The following NPAS3 variants were observed in gnomAD, a reference collection of about 807,000 sequenced individuals.
NPAS3 encodes the protein neuronal PAS domain-containing protein 3.
A neutral mutation model predicts 73.1 loss-of-function variants in NPAS3; 14 were observed. The ratio of observed to expected loss-of-function variants is 0.19; its 90% CI spans 0.13 to 0.30. NPAS3 has a LOEUF of 0.30. Ranked by LOEUF, NPAS3 falls within the 10% of genes least tolerant of loss-of-function variation. NPAS3 has a pLI of 1.00. For missense variants in NPAS3, 1,096 were observed against 1,250.0 expected (o/e 0.88, Z 1.86); for synonymous variants, 620 against 541.5 (o/e 1.14, Z -2.01).
At chr14:33,548,573 T>A (rs965292289) in intron 4 of NPAS3, among the ~76,000 whole-genome samples, 1 of 152,238 alleles carries the variant, frequency 6.6e-6, no homozygotes, top group Non-Finnish European at 1.5e-5. Context: ...ATGCTATGGC[T>A]GTTATACAAC....
At chr14:33,670,940 C>A (rs1323853448) in intron 5 of NPAS3, among the ~76,000 whole-genome samples, 1 of 141,508 alleles carries the variant, frequency 7.1e-6, no homozygotes, top group Non-Finnish European at 1.5e-5. Context: ...TTAATATCAG[C>A]CTTACAAAAG....
At chr14:33,670,075 T>C (rs1264096305) in intron 5 of NPAS3, among the ~76,000 whole-genome samples, 2 of 152,098 alleles carry the variant, frequency 1.3e-5, no homozygotes, top group African/African-American at 2.4e-5. Context: ...GCGGTTGCAA[T>C]TTTCAAGTCA....
chr14:33,619,062 A>G (rs1022228771), intron 5 of NPAS3, among the ~76,000 whole-genome samples: 2 of 152,132 alleles, frequency 1.3e-5, no homozygotes, highest in Admixed American at 1.3e-4. Context: ...CTGTTTCCAA[A>G]TGTTCATATC....
At chr14:33,162,901 T>G (rs1239659416) in intron 2 of NPAS3, among the ~76,000 whole-genome samples, 4 of 152,212 alleles carry the variant, frequency 2.6e-5, no homozygotes, top group African/African-American at 7.2e-5. Context: ...TCGGTAGACT[T>G]TGGACAATCT....
chr14:33,799,694 C>A (rs2063623693), intron 11 of NPAS3, 40 bp from the exon 12 acceptor site: 1 of 1,544,278 alleles, frequency 6.5e-7, no homozygotes, highest in Non-Finnish European at 8.7e-7. Context: ...TCTCTCTTCT[C>A]TCTCCGCCCC....
chr14:33,691,319 G>C (rs1425609870), intron 6 of NPAS3, among the ~76,000 whole-genome samples: 2 of 152,192 alleles, frequency 1.3e-5, no homozygotes, highest in Non-Finnish European at 2.9e-5. Flanking sequence ...CTAGACAAAA[G>C]ATGATCGTTA....
chr14:33,783,806 G>A (rs1310605525), intron 9 of NPAS3, among the ~76,000 whole-genome samples: 1 of 152,130 alleles, frequency 6.6e-6, no homozygotes, highest in African/African-American at 2.4e-5. Flanking sequence ...TCCCCAATCA[G>A]AATCTGCAGT....
intron 3 of NPAS3, among the ~76,000 whole-genome samples, chr14:33,360,593 C>T (rs963334352): frequency 3.4e-4 from 52 of 152,132 alleles, no homozygotes; most frequent in Non-Finnish European, 1.9e-4. Context: ...TTAGGAAAGC[C>T]TTGGATGTTT....
chr14:33,296,302 A>G (rs903027744), intron 3 of NPAS3, among the ~76,000 whole-genome samples: 2 of 152,198 alleles, frequency 1.3e-5, no homozygotes, highest in Non-Finnish European at 2.9e-5. Context: ...TTATATAGAC[A>G]TCATTCAGTA....
intron 5 of NPAS3, among the ~76,000 whole-genome samples, chr14:33,627,593 A>T (rs2058257710): frequency 6.6e-6 from 1 of 152,200 alleles, no homozygotes; most frequent in Non-Finnish European, 1.5e-5. Context: ...AGTTCAAGGT[A>T]GGCAGCTGAT....
intron 1 of NPAS3, among the ~76,000 whole-genome samples, chr14:32,949,430 G>A (rs2036394904): frequency 6.6e-6 from 1 of 151,952 alleles, no homozygotes; most frequent in Admixed American, 6.6e-5. Flanking sequence ...TGTGAAGGGA[G>A]GGTTAATTGT....
At chr14:33,682,543 T>A (rs576477168) in intron 6 of NPAS3, among the ~76,000 whole-genome samples, 1 of 152,324 alleles carries the variant, frequency 6.6e-6, no homozygotes, top group South Asian at 2.1e-4. Flanking sequence ...TTGCCAAACC[T>A]AGAATGATTC....
chr14:32,963,882 C>T (rs2037035346), intron 1 of NPAS3, among the ~76,000 whole-genome samples: 2 of 151,814 alleles, frequency 1.3e-5, no homozygotes, highest in South Asian at 2.1e-4. Flanking sequence ...ATTATTGTTA[C>T]AGGATAAAGA....
intron 3 of NPAS3, among the ~76,000 whole-genome samples, chr14:33,342,046 C>T (rs904671101): frequency 1.3e-5 from 2 of 152,072 alleles, no homozygotes; most frequent in Non-Finnish European, 2.9e-5. Flanking sequence ...TTGGTCTAAT[C>T]CCCAACCTTT....
At chr14:33,498,107 G>A (rs2052303544) in intron 4 of NPAS3, among the ~76,000 whole-genome samples, 1 of 152,086 alleles carries the variant, frequency 6.6e-6, no homozygotes, top group African/African-American at 2.4e-5. Context: ...ATCATCACTG[G>A]TCATTAGAGA....
rs199674172 is a variant in NPAS3, at chr14:33,723,723, AAAAAAG to A, written c.734-11486_734-11481del. Among the ~76,000 whole-genome samples, 645 of 151,934 alleles carry A rather than the reference AAAAAAG, an allele frequency of 4.2e-3. 30 individuals carry two copies. In the East Asian group the frequency reaches 0.091, roughly 21 times the overall value. ...CTTCAATACTTCCTCTCAAAAAAAA[AAAAAAG>A]AAAAGAAAAGAAAAAAGAAAAGCAT... On this transcript the variant is annotated intron_variant, in intron 6 of 11. Transcript: ENST00000356141.
At chr14:33,311,611 T>A (rs1297701972) in intron 3 of NPAS3, among the ~76,000 whole-genome samples, 1 of 152,138 alleles carries the variant, frequency 6.6e-6, no homozygotes, top group Non-Finnish European at 1.5e-5. Flanking sequence ...TGGATTGCAA[T>A]ACAAGGTAGC....
intron 4 of NPAS3, among the ~76,000 whole-genome samples, chr14:33,449,198 A>G (rs540439129): frequency 6.6e-5 from 10 of 150,446 alleles, no homozygotes; most frequent in Admixed American, 1.3e-4. Flanking sequence ...GAGGCTTAGG[A>G]TGACTGAGTA....
At chr14:33,083,656 C>A (rs1245243053) in intron 2 of NPAS3, among the ~76,000 whole-genome samples, 1 of 152,132 alleles carries the variant, frequency 6.6e-6, no homozygotes. Context: ...ATTAGTCATT[C>A]TGTCATTGGG....
Sources: gnomAD v4.1 joint callset for allele counts (sites outside exome capture counted in the v4.1 genomes callset) on GRCh38, gnomAD v4.1.1 for gene constraint, MANE v1.5 for transcripts, NCBI Gene and HGNC (gene_info 2026-07-23, HGNC 2026-07-21) for gene names.